Variants in NAALADL2 observed in about 807,000 individuals in gnomAD.
The protein encoded by NAALADL2 is inactive N-acetylated-alpha-linked acidic dipeptidase-like protein 2.
NAALADL2 carries 76 observed loss-of-function variants against 87.2 expected under a neutral mutation model. The ratio of observed to expected loss-of-function variants is 0.87; its 90% CI spans 0.72 to 1.05. The LOEUF (loss-of-function observed/expected upper bound fraction) is 1.05. Ranked by LOEUF, NAALADL2 falls within the 50% of genes least tolerant of loss-of-function variation. NAALADL2 has a pLI of 0.00. For synonymous variants in NAALADL2, 354 were observed against 331.0 expected (o/e 1.07, Z -0.75); for missense variants, 1,089 against 945.8 (o/e 1.15, Z -1.99).
At chr3:174,727,378 A>T (rs1732302509) in intron 2 of NAALADL2, among the ~76,000 whole-genome samples, 1 of 151,844 alleles carries the variant, frequency 6.6e-6, no homozygotes, top group South Asian at 2.1e-4. Flanking sequence ...CTCATTTTTG[A>T]TTGAATAAAT....
At chr3:175,260,788 A>G (rs1750895058) in intron 4 of NAALADL2, among the ~76,000 whole-genome samples, 1 of 152,148 alleles carries the variant, frequency 6.6e-6, no homozygotes, top group Non-Finnish European at 1.5e-5. Context: ...AGGGAGGGCA[A>G]AGGGGAAGCA....
At chr3:175,607,527 G>C (rs1271292358) in intron 10 of NAALADL2, among the ~76,000 whole-genome samples, 2 of 148,224 alleles carry the variant, frequency 1.3e-5, no homozygotes, top group South Asian at 2.1e-4. Context: ...AGGCAATAGA[G>C]TATACAGAAA....
Position 175,381,017 on chromosome 3 carries a change from TC to T in NAALADL2, c.1090+56693del, listed in dbSNP as rs543860934. Reference sequence around the variant, plus strand: ...AAGACATTTGTTATGAGAATATGTCTCTTTTTTAACATTACATAAAACACTA... The same window carrying T: ...AAGACATTTGTTATGAGAATATGTCTTTTTTTAACATTACATAAAACACTA... On this transcript the variant is annotated intron_variant, in intron 5 of 13. Coordinates refer to ENST00000454872, the MANE Select transcript of NAALADL2 (RefSeq NM_207015.3). 3.1e-3 allele frequency among the ~76,000 whole-genome samples: 475 copies of T among 152,206 alleles called. 2 individuals carry two copies. Among genetic ancestry groups the T allele is most frequent in the Non-Finnish European group, 5.7e-3 (384 of 67,952 alleles).
intron 11 of NAALADL2, among the ~76,000 whole-genome samples, chr3:175,725,633 A>G (rs1742818023): frequency 6.6e-6 from 1 of 152,136 alleles, no homozygotes; most frequent in South Asian, 2.1e-4. Flanking sequence ...AAGGGCTTGG[A>G]AAAAAATTTC....
intron 2 of NAALADL2, among the ~76,000 whole-genome samples, chr3:175,140,255 T>C (rs1028530786): frequency 6.6e-6 from 1 of 152,132 alleles, no homozygotes; most frequent in African/African-American, 2.4e-5. Flanking sequence ...GTAATAGGTG[T>C]AAGTTATAAT....
chr3:175,373,821 G>A (rs892785770), intron 5 of NAALADL2, among the ~76,000 whole-genome samples: 2 of 152,044 alleles, frequency 1.3e-5, no homozygotes, highest in African/African-American at 2.4e-5. Context: ...CTTGAAACAC[G>A]CATATTGTCA....
intron 11 of NAALADL2, among the ~76,000 whole-genome samples, chr3:175,664,279 T>A (rs772159076): frequency 6.6e-6 from 1 of 152,082 alleles, no homozygotes; most frequent in Non-Finnish European, 1.5e-5. Flanking sequence ...GGAGTTAGTT[T>A]GGAAAAAACA....
At chr3:175,216,237 C>T (rs1200548396) in intron 2 of NAALADL2, among the ~76,000 whole-genome samples, 1 of 152,094 alleles carries the variant, frequency 6.6e-6, no homozygotes, top group Non-Finnish European at 1.5e-5. Context: ...TTCCCCTTGC[C>T]TCATCTTGTC....
At chr3:175,399,647 G>A (rs1377945926) in intron 5 of NAALADL2, among the ~76,000 whole-genome samples, 2 of 152,090 alleles carry the variant, frequency 1.3e-5, no homozygotes, top group Admixed American at 6.6e-5. Flanking sequence ...CTTGGTTTTG[G>A]TGGGTTTTGG....
intron 1 of NAALADL2, among the ~76,000 whole-genome samples, chr3:175,073,775 G>C (rs1716081205): frequency 1.3e-5 from 2 of 151,952 alleles, no homozygotes; most frequent in Non-Finnish European, 2.9e-5. Context: ...GGTTATTGTG[G>C]TGCTGAATAC....
intron 7 of NAALADL2, among the ~76,000 whole-genome samples, chr3:175,465,318 TAATC>T (rs1723823148): frequency 6.6e-6 from 1 of 150,760 alleles, no homozygotes; most frequent in Non-Finnish European, 1.5e-5. Flanking sequence ...TTAGAAACAA[TAATC>T]AATTAGCATT....
intron 3 of NAALADL2, among the ~76,000 whole-genome samples, chr3:174,822,403 T>C (rs1413275297): frequency 6.6e-6 from 1 of 152,142 alleles, no homozygotes; most frequent in African/African-American, 2.4e-5. Context: ...TATAAAAATA[T>C]TGGACCAGTT....
intron 2 of NAALADL2, among the ~76,000 whole-genome samples, chr3:174,604,719 T>G (rs1167064835): frequency 6.6e-6 from 1 of 152,024 alleles, no homozygotes; most frequent in African/African-American, 2.4e-5. Context: ...TAATCTAGTT[T>G]TTATTTTTTG....
chr3:175,065,966 T>C (rs1714463398), intron 1 of NAALADL2, among the ~76,000 whole-genome samples: 1 of 152,278 alleles, frequency 6.6e-6, no homozygotes, highest in South Asian at 2.1e-4. Flanking sequence ...AATGTTGCCA[T>C]CAAGCTCCAG....
At chr3:174,812,565 A>G (rs1720337947) in intron 3 of NAALADL2, among the ~76,000 whole-genome samples, 1 of 152,192 alleles carries the variant, frequency 6.6e-6, no homozygotes, top group Non-Finnish European at 1.5e-5. Context: ...AAAATAAAAA[A>G]CAAAGTTAAT....
intron 1 of NAALADL2, among the ~76,000 whole-genome samples, chr3:174,915,565 T>C (rs962514629): frequency 6.6e-6 from 1 of 152,136 alleles, no homozygotes; most frequent in Admixed American, 6.6e-5. Context: ...TGTATTTTGT[T>C]TAAAAATGTT....
At chr3:174,454,947 G>A (rs1487145709) in intron 1 of NAALADL2, among the ~76,000 whole-genome samples, 1 of 149,046 alleles carries the variant, frequency 6.7e-6, no homozygotes, top group Non-Finnish European at 1.5e-5. Flanking sequence ...GAATCCAGGA[G>A]TTGTTTTTTT....
chr3:175,789,349 G>A (rs1314109527), intron 13 of NAALADL2, among the ~76,000 whole-genome samples: 1 of 152,020 alleles, frequency 6.6e-6, no homozygotes, highest in African/African-American at 2.4e-5. Context: ...AGACTCTTTT[G>A]TATATGTCTT....
chr3:174,868,964 G>T (rs1289430820), intron 1 of NAALADL2, among the ~76,000 whole-genome samples: 1 of 152,084 alleles, frequency 6.6e-6, no homozygotes, highest in Non-Finnish European at 1.5e-5. Context: ...CATGAATAAT[G>T]ATGATGGAGT....
Sources: gnomAD v4.1 joint callset for allele counts (sites outside exome capture counted in the v4.1 genomes callset) on GRCh38, gnomAD v4.1.1 for gene constraint, MANE v1.5 for transcripts, NCBI Gene and HGNC (gene_info 2026-07-23, HGNC 2026-07-21) for gene names.